The following KAT2B variants were observed in gnomAD, a reference collection of about 807,000 sequenced individuals.
KAT2B encodes the protein histone acetyltransferase KAT2B.
Under a neutral mutation model 105.9 loss-of-function variants are expected in KAT2B, and 36 were observed. The ratio of observed to expected loss-of-function variants is 0.34; its 90% CI spans 0.26 to 0.45. The LOEUF (loss-of-function observed/expected upper bound fraction) is 0.45. Ranked by LOEUF, KAT2B falls within the 20% of genes least tolerant of loss-of-function variation. The pLI is 1.00. For synonymous variants in KAT2B, 397 were observed against 377.9 expected (o/e 1.05, Z -0.59); for missense variants, 820 against 1,021.6 (o/e 0.80, Z 2.69).
intron 1 of KAT2B, among the ~76,000 whole-genome samples, chr3:20,049,782 A>G (rs1697882758): frequency 6.6e-6 from 1 of 152,188 alleles, no homozygotes; most frequent in African/African-American, 2.4e-5. Flanking sequence ...AAAGTTGACA[A>G]TCAAGACTGG....
Position 20,147,981 on chromosome 3 carries a change from C to T in KAT2B, c.2138C>T (p.Pro713Leu), listed in dbSNP as rs886469863. The change falls in exon 15 of 18, where the codon CCG becomes CTG. Residue 713 changes from proline to leucine, a missense_variant. Pro to Leu is a moderately conservative substitution (Grantham distance 98). Coordinates refer to ENST00000263754, the MANE Select transcript of KAT2B (RefSeq NM_003884.5). ...IPGIRETGWK[P>L]SGKEKSKEPR... is the part of the protein sequence containing the mutation. ...CGTATAGGAGAGACAGGCTGGAAAC[C>T]GAGTGGAAAAGAGAAAAGGTAAGTA... The T allele has an allele frequency of 7.4e-6, 12 of 1,613,280 alleles. No individual in the cohort carries two copies. Among genetic ancestry groups the T allele is most frequent in the East Asian group, 2.2e-5 (1 of 44,824 alleles).
chr3:20,119,808 C>T, intron 8 of KAT2B, 85 bp downstream of exon 8: 1 of 1,436,078 alleles, frequency 7.0e-7, no homozygotes, highest in Non-Finnish European at 9.6e-7. Context: ...TAGACTTGAA[C>T]CAAGTACAGA....
intron 11 of KAT2B, among the ~76,000 whole-genome samples, chr3:20,128,648 C>G (rs1318067263): frequency 6.6e-6 from 1 of 152,114 alleles, no homozygotes; most frequent in African/African-American, 2.4e-5. Flanking sequence ...GAGCTCTCAT[C>G]TATACCTTGT....
intron 15 of KAT2B, 32 bp from the exon 16 acceptor site, chr3:20,148,207 TAATC>T: frequency 6.4e-7 from 1 of 1,573,174 alleles, no homozygotes; most frequent in Middle Eastern, 1.7e-4. Flanking sequence ...GGTAAAACTC[TAATC>T]ATTGCTCCTT....
At chr3:20,096,065 T>G (rs1290012993) in intron 3 of KAT2B, among the ~76,000 whole-genome samples, 54 of 152,178 alleles carry the variant, frequency 3.5e-4, no homozygotes, top group Non-Finnish European at 6.6e-4. Flanking sequence ...TGAAGTGATG[T>G]CTGTACAGCA....
intron 2 of KAT2B, among the ~76,000 whole-genome samples, chr3:20,073,965 C>G (rs181636292): frequency 1.5e-3 from 228 of 152,302 alleles, no homozygotes; most frequent in African/African-American, 5.2e-3. Context: ...CACGTAAACA[C>G]ACATGAATGC....
intron 7 of KAT2B, among the ~76,000 whole-genome samples, chr3:20,117,540 A>G (rs1346700529): frequency 1.3e-5 from 2 of 152,304 alleles, no homozygotes; most frequent in African/African-American, 4.8e-5. Flanking sequence ...ATTGGGAGAA[A>G]AAAACATAGA....
At position 20,136,191 on chromosome 3, in the gene KAT2B, C is replaced by A. The variant is rs139530682; in HGVS notation, c.1750-751C>A. On this transcript the variant is annotated intron_variant, in intron 11 of 17. Coordinates refer to ENST00000263754, the MANE Select transcript of KAT2B (RefSeq NM_003884.5). The stretch of plus-strand genomic sequence containing the variant: ...TTATGTGAAGATATTTGGGTCTGGA[C>A]ACTTGGATTTACTTTTATCTCTCTT... Among the ~76,000 whole-genome samples, 4 of 152,294 alleles carry A rather than the reference C, an allele frequency of 2.6e-5. No individual in the cohort carries two copies. In the East Asian group the frequency reaches 7.7e-4, roughly 29 times the overall value.
chr3:20,042,904 CTT>C (rs560877108), intron 1 of KAT2B, among the ~76,000 whole-genome samples: 33 of 145,620 alleles, frequency 2.3e-4, no homozygotes, highest in South Asian at 2.2e-4. Context: ...ATTTTAACGT[CTT>C]TTTTTTTTTT....
rs1378247634 is a variant in KAT2B at position 20,154,204 on chromosome 3, TTG to T, written c.*1681_*1682del. 2.6e-5 allele frequency: 4 copies of T among 152,602 alleles called. No homozygotes were observed. Among genetic ancestry groups the T allele is most frequent in the African/African-American group, 9.7e-5 (4 of 41,444 alleles). 9.5% of individuals were successfully genotyped at this position (152,602 alleles called of 1,614,324 possible). ...ATAGAGTATTGTCTTTAAAATCAGA[TTG>T]TCTCTTCTATATTGAAAGCATTTTT... On this transcript the variant is annotated 3_prime_UTR_variant, in exon 18 of 18. Transcript: ENST00000263754.
At chr3:20,084,174 C>G (rs191204310) in intron 2 of KAT2B, among the ~76,000 whole-genome samples, 1 of 152,256 alleles carries the variant, frequency 6.6e-6, no homozygotes, top group Admixed American at 6.5e-5. Context: ...CATAGCTGTT[C>G]TTGTCTGGCT....
At chr3:20,041,924 T>C (rs1008705763) in intron 1 of KAT2B, among the ~76,000 whole-genome samples, 7 of 152,250 alleles carry the variant, frequency 4.6e-5, no homozygotes, top group Admixed American at 1.3e-4. Flanking sequence ...CAGGAGCTTC[T>C]CAGTCACAAT....
chr3:20,046,682 G>A (rs1378113343), intron 1 of KAT2B, among the ~76,000 whole-genome samples: 1 of 152,204 alleles, frequency 6.6e-6, no homozygotes, highest in Non-Finnish European at 1.5e-5. Context: ...AAGGGCTGGT[G>A]GGTGGGGCAC....
intron 1 of KAT2B, among the ~76,000 whole-genome samples, chr3:20,047,044 A>C (rs1697823361): frequency 6.6e-6 from 1 of 152,026 alleles, no homozygotes. Flanking sequence ...TGCAGCACAG[A>C]AAGAAAAAAC....
chr3:20,069,003 A>G (rs1436020572), intron 1 of KAT2B, among the ~76,000 whole-genome samples: 1 of 152,144 alleles, frequency 6.6e-6, no homozygotes, highest in Non-Finnish European at 1.5e-5. Flanking sequence ...GACTCTACAA[A>G]ATCTTAGTGA....
chr3:20,072,562 C>A (rs1698344447), intron 2 of KAT2B, 103 bp downstream of exon 2: 2 of 1,077,388 alleles, frequency 1.9e-6, no homozygotes, highest in Non-Finnish European at 2.8e-6. Context: ...TGCTGTGTAC[C>A]TCTGTATGAG....
At chr3:20,042,781 T>G (rs1034671725) in intron 1 of KAT2B, among the ~76,000 whole-genome samples, 1 of 152,226 alleles carries the variant, frequency 6.6e-6, no homozygotes, top group Non-Finnish European at 1.5e-5. Context: ...GTGGCCTGCA[T>G]TGATATTTTT....
chr3:20,134,378 A>G (rs1331249399), intron 11 of KAT2B, among the ~76,000 whole-genome samples: 2 of 151,556 alleles, frequency 1.3e-5, no homozygotes, highest in African/African-American at 4.9e-5. Context: ...CTTTTTCACT[A>G]TCGTTTTGTT....
At chr3:20,124,114 C>G (rs539710772) in intron 9 of KAT2B, among the ~76,000 whole-genome samples, 2 of 152,140 alleles carry the variant, frequency 1.3e-5, no homozygotes, top group South Asian at 4.1e-4. Flanking sequence ...CCATTTCCTC[C>G]TAGATGTCCA....
Sources: allele counts gnomAD v4.1 joint callset (sites outside exome capture counted in the v4.1 genomes callset), GRCh38; gene constraint gnomAD v4.1.1; transcripts MANE v1.5; gene names NCBI Gene and HGNC (gene_info 2026-07-23, HGNC 2026-07-21).